Variants in N4BP1 observed in about 807,000 individuals in gnomAD.
N4BP1 encodes the protein NEDD4-binding protein 1.
In N4BP1, 21 loss-of-function variants were observed where a neutral mutation model predicts 70.9. The observed-to-expected ratio is 0.30, with a 90% CI of 0.21 to 0.43. The LOEUF is 0.43. N4BP1 is among the 20% of genes least tolerant of loss of function. The probability of loss-of-function intolerance (pLI) is 1.00; values close to 1 mark genes in which losing one functional copy is unlikely to be tolerated. For missense variants in N4BP1, 936 were observed against 1,069.4 expected (o/e 0.88, Z 1.74); for synonymous variants, 387 against 394.6 (o/e 0.98, Z 0.23).
intron 1 of N4BP1, among the ~76,000 whole-genome samples, chr16:48,587,826 C>T (rs1441173124): frequency 6.6e-6 from 1 of 152,170 alleles, no homozygotes; most frequent in Non-Finnish European, 1.5e-5. Context: ...TCCTATGGTG[C>T]AGGATCTCAG....
intron 1 of N4BP1, among the ~76,000 whole-genome samples, chr16:48,586,224 A>G (rs1964243971): frequency 6.6e-6 from 1 of 152,176 alleles, no homozygotes; most frequent in Non-Finnish European, 1.5e-5. Context: ...AACACAGTAC[A>G]CTGCAGCCTC....
chr16:48,596,877 T>G (rs1197217621), intron 1 of N4BP1, among the ~76,000 whole-genome samples: 7 of 152,162 alleles, frequency 4.6e-5, no homozygotes, highest in Admixed American at 6.5e-5. Context: ...CTCCCCAAAT[T>G]GCTCCTGGGG....
chr16:48,597,046 C>T (rs114597298), intron 1 of N4BP1, among the ~76,000 whole-genome samples: 1 of 152,150 alleles, frequency 6.6e-6, no homozygotes, highest in African/African-American at 2.4e-5. Context: ...CCAGTGTTTC[C>T]ATCTCCAACC....
Position 48,560,997 on chromosome 16 carries a change from C to A in N4BP1, c.1646G>T (p.Cys549Phe), listed in dbSNP as rs184021900. 164 of 1,613,982 alleles carry A rather than the reference C, an allele frequency of 1.0e-4. No homozygotes were observed. The Admixed American group carries it at 2.7e-3, about 26-fold the overall frequency. The change falls in exon 2 of 7, where the codon TGT (cysteine) becomes TTT (phenylalanine). Residue 549 changes from cysteine to phenylalanine, a missense_variant. Physicochemically the swap from Cys to Phe is radical, Grantham distance 205 (BLOSUM62 -2). Coordinates refer to ENST00000262384, the MANE Select transcript of N4BP1 (RefSeq NM_153029.4). ...KSACEKRLGC[C>F]SSPHSKPNCS... ...ATTTGGCTTAGAATGAGGAGAACTA[C>A]AACATCCTAAACGTTTTTCACAGGC... is the stretch of plus-strand genomic sequence containing the variant.
chr16:48,597,523 T>C (rs1964434201), intron 1 of N4BP1, among the ~76,000 whole-genome samples: 1 of 152,202 alleles, frequency 6.6e-6, no homozygotes, highest in Non-Finnish European at 1.5e-5. Flanking sequence ...TAAGAATTGC[T>C]TCGGATGTTT....
At chr16:48,604,632 TAAAAC>T (rs1444079650) in intron 1 of N4BP1, among the ~76,000 whole-genome samples, 1 of 144,936 alleles carries the variant, frequency 6.9e-6, no homozygotes, top group African/African-American at 2.8e-5. Context: ...AAAACTAAAT[TAAAAC>T]AAAACGAAAC....
chr16:48,602,255 AAC>A lies in N4BP1; in HGVS notation c.198+7518_198+7519del, dbSNP rs200651891. Among the ~76,000 whole-genome samples, 1,144 of 152,262 alleles carry A rather than the reference AAC, an allele frequency of 7.5e-3. 11 individuals carry two copies. Among genetic ancestry groups the A allele is most frequent in the African/African-American group, 0.025 (1,050 of 41,556 alleles). On this transcript the variant is annotated intron_variant, in intron 1 of 6. Transcript: ENST00000262384. Reference sequence around the variant, plus strand: ...CAAACAACAACAACAACCAACAAAAAACACAACAACAAAAAACTGATGTTTAA... The same window carrying A: ...CAAACAACAACAACAACCAACAAAAAACAACAACAAAAAACTGATGTTTAA...
At chr16:48,573,050 CAG>C (rs1176969117) in intron 1 of N4BP1, among the ~76,000 whole-genome samples, 5 of 148,806 alleles carry the variant, frequency 3.4e-5, no homozygotes, top group Admixed American at 6.7e-5. Context: ...GTACAGGCTG[CAG>C]TGACCCGAGA....
Position 48,609,975 on chromosome 16 carries a change from C to A in N4BP1, c.-3G>T. 8.3e-7 allele frequency: 1 copy of A among 1,211,402 alleles called. No individual in the cohort carries two copies. 75.0% of individuals were successfully genotyped at this position (1,211,402 alleles called of 1,614,324 possible). Reference sequence around the variant, plus strand: ...TCCAGCACCGCCCGGGCCGCCATGGCGGGCGCGGCCTCCCGCGGCGGCGCC... The same window carrying A: ...TCCAGCACCGCCCGGGCCGCCATGGAGGGCGCGGCCTCCCGCGGCGGCGCC... On this transcript the variant is annotated 5_prime_UTR_variant, in exon 1 of 7. Coordinates refer to ENST00000262384, the MANE Select transcript of N4BP1 (RefSeq NM_153029.4).
At chr16:48,547,435 T>C (rs776665032) in intron 5 of N4BP1, among the ~76,000 whole-genome samples, 2 of 152,250 alleles carry the variant, frequency 1.3e-5, no homozygotes, top group African/African-American at 2.4e-5. Context: ...AAAACAGCAG[T>C]GAATGCTAAA....
intron 4 of N4BP1, among the ~76,000 whole-genome samples, chr16:48,550,205 A>C (rs1036965179): frequency 2.6e-5 from 4 of 152,176 alleles, no homozygotes; most frequent in African/African-American, 9.7e-5. Flanking sequence ...AGTGCTCAAT[A>C]AAGTTTTTAG....
intron 1 of N4BP1, among the ~76,000 whole-genome samples, chr16:48,582,608 T>C (rs1003948590): frequency 3.9e-5 from 6 of 152,220 alleles, no homozygotes; most frequent in Non-Finnish European, 8.8e-5. Context: ...TATACTGTTA[T>C]AATTTTTCTA....
In N4BP1 at chr16:48,540,851, TTTAAATA is replaced by T. The variant is rs757305050; in HGVS notation, c.*2046_*2052del. On this transcript the variant is annotated 3_prime_UTR_variant, in exon 7 of 7. Coordinates refer to ENST00000262384, the MANE Select transcript of N4BP1 (RefSeq NM_153029.4). ...TCTTAATGGTTTGATAATTTGGGTTTTTAAATATTAAATATTAAATATCAGGGGTTTC... is the reference window on the plus strand; with the variant it reads ...TCTTAATGGTTTGATAATTTGGGTTTTTAAATATTAAATATCAGGGGTTTC... 3.3e-5 allele frequency: 5 copies of T among 152,320 alleles called. No homozygotes were observed. In the South Asian group the frequency reaches 6.2e-4, roughly 19 times the overall value. The allele number at this position is 152,320 out of a possible 1,614,324, so 9.4% of individuals were successfully genotyped here. A position where few individuals can be genotyped will look rare whatever the true frequency, so the allele number is the denominator to read the frequency against.
In N4BP1 at chr16:48,560,946, G is replaced by T; in HGVS notation, c.1697C>A (p.Pro566Gln). The change falls in exon 2 of 7, where the codon CCA (proline) becomes CAA (glutamine). Residue 566 changes from proline to glutamine, a missense_variant. Transcript: ENST00000262384. ...PNCSTLSPPM[P>Q]LPQLLPSVTD... ...AACCGAAGGTAACAGCTGGGGCAGTGGCATTGGTGGAGAAAGGGTTGAGCA... is the reference window on the plus strand; with the variant it reads ...AACCGAAGGTAACAGCTGGGGCAGTTGCATTGGTGGAGAAAGGGTTGAGCA... 6.2e-7 allele frequency: 1 copy of T among 1,614,000 alleles called. No individual in the cohort carries two copies. The highest frequency in any genetic ancestry group is 1.6e-4 in the Middle Eastern group (1 of 6,062).
At chr16:48,551,549 A>G in intron 3 of N4BP1, 67 bp from the exon 4 acceptor site, 1 of 1,127,416 alleles carries the variant, frequency 8.9e-7, no homozygotes, top group Non-Finnish European at 1.3e-6. Context: ...TCAAGAAATG[A>G]AAGTACACTC....
rs1963586964 is a variant in N4BP1, at chr16:48,546,034, A to AT, written c.2333+112_2333+113insA. On this transcript the variant is annotated intron_variant, in intron 6 of 6. Transcript: ENST00000262384. The stretch of plus-strand genomic sequence containing the variant: ...CAGAGGAAGACCTTGTCTCAAAAAA[A>AT]AAAAAAATAATTTTTTTAATGTCAT... 1.4e-5 allele frequency: 9 copies of AT among 666,638 alleles called. No homozygotes were observed. The South Asian group carries it at 2.0e-4, about 15-fold the overall frequency. The allele number at this position is 666,638 out of a possible 1,614,324, so 41.3% of individuals were successfully genotyped here.
chr16:48,551,203 T>C (rs908825705), intron 4 of N4BP1, among the ~76,000 whole-genome samples, 183 bp downstream of exon 4: 1 of 152,232 alleles, frequency 6.6e-6, no homozygotes, highest in African/African-American at 2.4e-5. Context: ...ACAAAGAGTT[T>C]CTTCTGTGGT....
intron 1 of N4BP1, among the ~76,000 whole-genome samples, chr16:48,585,641 T>C (rs1964235476): frequency 6.7e-6 from 1 of 149,770 alleles, no homozygotes; most frequent in Non-Finnish European, 1.5e-5. Flanking sequence ...TGGGTTCAAG[T>C]GATTCTCCAG....
intron 1 of N4BP1, among the ~76,000 whole-genome samples, chr16:48,599,600 A>C (rs1412182598): frequency 6.6e-6 from 1 of 152,234 alleles, no homozygotes; most frequent in African/African-American, 2.4e-5. Flanking sequence ...CAAATGAGTT[A>C]AATGAATGCT....
Sources: allele counts gnomAD v4.1 joint callset (sites outside exome capture counted in the v4.1 genomes callset), GRCh38; gene constraint gnomAD v4.1.1; transcripts MANE v1.5; gene names NCBI Gene and HGNC (gene_info 2026-07-23, HGNC 2026-07-21).